The following LRP1B variants were observed in gnomAD, a reference collection of about 807,000 sequenced individuals.
The protein encoded by LRP1B is LDL receptor related protein 1B, also known as low-density lipoprotein receptor-related protein 1B.
LRP1B carries 217 observed loss-of-function variants against 556.6 expected under a neutral mutation model. The ratio of observed to expected loss-of-function variants is 0.39; its 90% CI spans 0.35 to 0.44. The LOEUF is 0.44. LRP1B is among the 20% of genes least tolerant of loss of function. LRP1B has a pLI of 1.00. For synonymous variants in LRP1B, 2,047 were observed against 1,865.8 expected (o/e 1.10, Z -2.50); for missense variants, 5,053 against 5,620.8 (o/e 0.90, Z 3.23).
chr2:142,051,720 C>A (rs897425018), intron 1 of LRP1B, among the ~76,000 whole-genome samples: 1 of 152,056 alleles, frequency 6.6e-6, no homozygotes, highest in Admixed American at 6.6e-5. Context: ...TGTGATCCAT[C>A]CCCCTCGGCC....
intron 43 of LRP1B, among the ~76,000 whole-genome samples, chr2:140,546,854 T>A (rs965566333): frequency 6.6e-5 from 10 of 152,040 alleles, no homozygotes; most frequent in Non-Finnish European, 1.5e-4. Context: ...CCTGGTTTAT[T>A]GAGGTTTGGG....
At chr2:141,323,940 T>C (rs1419789329) in intron 3 of LRP1B, among the ~76,000 whole-genome samples, 7 of 24,268 alleles carry the variant, frequency 2.9e-4, no homozygotes, top group Non-Finnish European at 5.7e-4. Flanking sequence ...CACACACACA[T>C]CTGAACAAGG....
chr2:142,018,057 A>G (rs191416585), intron 1 of LRP1B, among the ~76,000 whole-genome samples: 254 of 151,676 alleles, frequency 1.7e-3, no homozygotes, highest in African/African-American at 5.9e-3. Flanking sequence ...CATTTGTAGT[A>G]TAAATAATTA....
intron 7 of LRP1B, among the ~76,000 whole-genome samples, chr2:141,102,512 G>C (rs1700488429): frequency 6.6e-6 from 1 of 152,052 alleles, no homozygotes; most frequent in Non-Finnish European, 1.5e-5. Context: ...CCATAACCAT[G>C]ATAGAATGAG....
intron 11 of LRP1B, among the ~76,000 whole-genome samples, chr2:141,042,137 C>T (rs1698720649): frequency 1.3e-5 from 2 of 152,044 alleles, no homozygotes; most frequent in African/African-American, 2.4e-5. Flanking sequence ...AAGCCAAGTG[C>T]CTTAGACTCT....
intron 2 of LRP1B, among the ~76,000 whole-genome samples, chr2:141,669,545 C>T (rs1690581889): frequency 6.6e-6 from 1 of 152,038 alleles, no homozygotes; most frequent in African/African-American, 2.4e-5. Context: ...CTTCGGTGCA[C>T]TCTATTTCTG....
intron 68 of LRP1B, among the ~76,000 whole-genome samples, chr2:140,377,239 C>T (rs1158319608): frequency 2.0e-5 from 3 of 152,096 alleles, no homozygotes; most frequent in African/African-American, 7.2e-5. Context: ...TCATGCCTGG[C>T]TAATTATTTT....
chr2:141,116,475 C>A (rs1374613410), intron 7 of LRP1B, among the ~76,000 whole-genome samples: 3 of 152,054 alleles, frequency 2.0e-5, no homozygotes, highest in Non-Finnish European at 4.4e-5. Context: ...GCCATATAAT[C>A]ATCTTTAACT....
intron 67 of LRP1B, among the ~76,000 whole-genome samples, chr2:140,385,514 G>T (rs1683720976): frequency 6.6e-6 from 1 of 152,082 alleles, no homozygotes; most frequent in African/African-American, 2.4e-5. Flanking sequence ...TAGTGTAAAA[G>T]GATTTGAGAC....
At chr2:141,429,019 G>A (rs1680473094) in intron 3 of LRP1B, among the ~76,000 whole-genome samples, 1 of 152,064 alleles carries the variant, frequency 6.6e-6, no homozygotes. Flanking sequence ...TGATGCACTG[G>A]TGCCATTTAT....
chr2:140,700,479 C>T lies in LRP1B; in HGVS notation c.6570G>A (p.Leu2190=), dbSNP rs764926321. 9.9e-6 allele frequency: 16 copies of T among 1,613,338 alleles called. No homozygotes were observed. In the Admixed American group the frequency reaches 2.2e-4, roughly 22 times the overall value. ...VTCLRHEGYL[L]YSGRTILKSI... ...TTTTTAATATTGTTCTTCCTGAATACAGTAAATAGCCTTCATGCCTCAGGC... is the reference window on the plus strand; with the variant it reads ...TTTTTAATATTGTTCTTCCTGAATATAGTAAATAGCCTTCATGCCTCAGGC... The change falls in exon 41 of 91, where the codon CTG becomes CTA. Residue 2190 remains leucine (L), a synonymous_variant. Coordinates refer to ENST00000389484, the MANE Select transcript of LRP1B (RefSeq NM_018557.3).
intron 2 of LRP1B, among the ~76,000 whole-genome samples, chr2:141,600,438 G>A (rs1687684563): frequency 6.6e-6 from 1 of 152,184 alleles, no homozygotes; most frequent in African/African-American, 2.4e-5. Context: ...TTGGGTCCTA[G>A]AGTAATGGTG....
At position 140,361,171 on chromosome 2, in the gene LRP1B, C is replaced by T. The variant is rs192749018; in HGVS notation, c.11132-2225G>A. On this transcript the variant is annotated intron_variant, in intron 72 of 90. Coordinates refer to ENST00000389484, the MANE Select transcript of LRP1B (RefSeq NM_018557.3). ...TTCCCAATAACCTGGATTCTCTGGC[C>T]CTTTTCTCTTTTTCATCTCAGTTAT... is the stretch of plus-strand genomic sequence containing the variant. Among the ~76,000 whole-genome samples the T allele has an allele frequency of 5.1e-3, 766 of 149,786 alleles. 8 individuals carry two copies. Among genetic ancestry groups the T allele is most frequent in the African/African-American group, 0.017 (709 of 40,880 alleles).
intron 2 of LRP1B, among the ~76,000 whole-genome samples, chr2:141,609,827 A>T (rs779424283): frequency 9.2e-5 from 14 of 152,164 alleles, no homozygotes; most frequent in Non-Finnish European, 1.8e-4. Flanking sequence ...GCCTGCTTTT[A>T]TTAGTCTTTC....
chr2:141,393,562 G>A (rs575502272), intron 3 of LRP1B, among the ~76,000 whole-genome samples: 8 of 152,078 alleles, frequency 5.3e-5, no homozygotes, highest in Middle Eastern at 3.4e-3. Context: ...TCAAGCATTC[G>A]TCTTCATCCT....
rs1685429385 is a variant in LRP1B at position 141,544,334 on chromosome 2, C to CTTCTTCTTCTTCTT, written c.206-63815_206-63802dup. Among the ~76,000 whole-genome samples the CTTCTTCTTCTTCTT allele has an allele frequency of 6.8e-4, 45 of 66,432 alleles. 1 individual carries two copies. Among genetic ancestry groups the CTTCTTCTTCTTCTT allele is most frequent in the East Asian group, 2.2e-3 (4 of 1,790 alleles). The allele number at this position is 66,432 out of a possible 152,430, so 43.6% of individuals were successfully genotyped here. A position where few individuals can be genotyped will look rare whatever the true frequency, so the allele number is the denominator to read the frequency against. On this transcript the variant is annotated intron_variant, in intron 2 of 90. Transcript: ENST00000389484. Reference sequence around the variant, plus strand: ...TCTTCTTCTTCTTCTTCTTCTTCTTCTTCTTCTTCTTCTTCTTCTTCTTCT... The same window carrying CTTCTTCTTCTTCTT: ...TCTTCTTCTTCTTCTTCTTCTTCTTCTTCTTCTTCTTCTTTTCTTCTTCTTCTTCTTCTTCTTCT...
intron 5 of LRP1B, among the ~76,000 whole-genome samples, chr2:141,239,040 T>C (rs1161191332): frequency 9.9e-5 from 15 of 152,032 alleles, no homozygotes; most frequent in African/African-American, 3.6e-4. Context: ...TTTAAGGCCA[T>C]GATACAGGAT....
intron 1 of LRP1B, among the ~76,000 whole-genome samples, chr2:141,963,502 A>C (rs556269620): frequency 1.3e-5 from 2 of 151,962 alleles, no homozygotes; most frequent in Admixed American, 1.3e-4. Flanking sequence ...CCACATGATT[A>C]TCTCAATAGA....
At chr2:141,050,446 G>T (rs554638573) in intron 10 of LRP1B, among the ~76,000 whole-genome samples, 4 of 151,994 alleles carry the variant, frequency 2.6e-5, no homozygotes, top group Admixed American at 2.6e-4. Context: ...CGGTCATCTA[G>T]GTTTTAAGCC....
Sources: allele counts gnomAD v4.1 joint callset (sites outside exome capture counted in the v4.1 genomes callset), GRCh38; gene constraint gnomAD v4.1.1; transcripts MANE v1.5; gene names NCBI Gene and HGNC (gene_info 2026-07-23, HGNC 2026-07-21).